The following RBFOX1 variants were observed in gnomAD, a reference collection of about 807,000 sequenced individuals.
RBFOX1 encodes the protein RNA binding fox-1 homolog 1.
A neutral mutation model predicts 57.7 loss-of-function variants in RBFOX1; 8 were observed. The observed-to-expected ratio is 0.14, with a 90% CI of 0.08 to 0.25. The LOEUF (loss-of-function observed/expected upper bound fraction) is 0.25, where lower values mean the gene tolerates loss of function less well. RBFOX1 is among the 10% of genes least tolerant of loss of function. RBFOX1 has a pLI of 1.00. For missense variants in RBFOX1, 611 were observed against 548.5 expected (o/e 1.11, Z -1.14); for synonymous variants, 326 against 222.4 (o/e 1.47, Z -4.15).
chr16:7,446,617 A>T (rs1235748907), intron 4 of RBFOX1, among the ~76,000 whole-genome samples: 2 of 152,038 alleles, frequency 1.3e-5, no homozygotes, highest in Non-Finnish European at 2.9e-5. Flanking sequence ...AGATCAGATC[A>T]AGCTTCCTGA....
At chr16:6,191,817 C>G (rs895739515) in intron 1 of RBFOX1, among the ~76,000 whole-genome samples, 7 of 152,116 alleles carry the variant, frequency 4.6e-5, no homozygotes, top group South Asian at 2.1e-4. Context: ...ATGCAGGTAT[C>G]GAGACTTGAT....
chr16:6,281,517 G>C (rs924567687), intron 1 of RBFOX1, among the ~76,000 whole-genome samples: 1 of 152,072 alleles, frequency 6.6e-6, no homozygotes, highest in African/African-American at 2.4e-5. Context: ...GCCCCAAAGT[G>C]CTTTGTTCTG....
chr16:6,820,169 C>T (rs1009197998), intron 3 of RBFOX1, among the ~76,000 whole-genome samples: 1 of 152,130 alleles, frequency 6.6e-6, no homozygotes, highest in Non-Finnish European at 1.5e-5. Context: ...TAAGACATAC[C>T]TTTGCTTCTC....
intron 4 of RBFOX1, among the ~76,000 whole-genome samples, chr16:7,358,357 A>T (rs914441490): frequency 3.0e-4 from 45 of 152,206 alleles, no homozygotes; most frequent in Non-Finnish European, 3.1e-4. Flanking sequence ...ATAAATCTCT[A>T]AGCAGCTCCT....
At chr16:7,433,331 A>T (rs2149654738) in intron 4 of RBFOX1, among the ~76,000 whole-genome samples, 1 of 152,370 alleles carries the variant, frequency 6.6e-6, no homozygotes, top group South Asian at 2.1e-4. Context: ...CAATAAAGGC[A>T]GTAGTCTCTC....
At chr16:6,089,704 G>C (rs1234235984) in intron 1 of RBFOX1, among the ~76,000 whole-genome samples, 1 of 152,224 alleles carries the variant, frequency 6.6e-6, no homozygotes, top group African/African-American at 2.4e-5. Context: ...CCTTGGGGAT[G>C]TAGAAGCACA....
intron 5 of RBFOX1, among the ~76,000 whole-genome samples, chr16:7,559,250 A>G (rs1235803806): frequency 1.3e-5 from 2 of 152,220 alleles, no homozygotes; most frequent in South Asian, 2.1e-4. Context: ...TCAGAATGTT[A>G]TATCTGCCAT....
chr16:6,316,051 G>T (rs1054387734), intron 1 of RBFOX1, among the ~76,000 whole-genome samples: 2 of 152,124 alleles, frequency 1.3e-5, no homozygotes, highest in South Asian at 2.1e-4. Context: ...GAGTCTTGGC[G>T]TAAATTGTAC....
At chr16:7,415,163 C>T (rs1383723213) in intron 4 of RBFOX1, among the ~76,000 whole-genome samples, 1 of 152,200 alleles carries the variant, frequency 6.6e-6, no homozygotes, top group African/African-American at 2.4e-5. Context: ...TATTATATTG[C>T]CATGCCCCAT....
intron 4 of RBFOX1, among the ~76,000 whole-genome samples, chr16:7,413,892 G>C (rs1405765289): frequency 6.6e-6 from 1 of 152,054 alleles, no homozygotes; most frequent in East Asian, 1.9e-4. Flanking sequence ...AGGATTAATT[G>C]GATTTGCATT....
downstream of RBFOX1, chr16:5,601,590 T>C (rs1486426): frequency 0.64 from 97,524 of 151,986 alleles, 33,646 homozygotes; most frequent in East Asian, 0.95. Flanking sequence ...GGAGTTTGGC[T>C]ACCACACTCT....
chr16:5,977,402 C>A (rs910005744), intron 4 of RBFOX1, among the ~76,000 whole-genome samples: 1 of 152,156 alleles, frequency 6.6e-6, no homozygotes, highest in African/African-American at 2.4e-5. Context: ...GCTATGTGTC[C>A]CTACGATCCC....
At chr16:6,889,667 A>C (rs760082793) in intron 3 of RBFOX1, among the ~76,000 whole-genome samples, 1 of 152,160 alleles carries the variant, frequency 6.6e-6, no homozygotes, top group African/African-American at 2.4e-5. Context: ...AGCTTCCACC[A>C]TGTAGTCCAG....
At chr16:5,828,310 G>T (rs1001471587) in intron 3 of RBFOX1, among the ~76,000 whole-genome samples, 1 of 152,162 alleles carries the variant, frequency 6.6e-6, no homozygotes, top group Non-Finnish European at 1.5e-5. Flanking sequence ...ACTGTGATAA[G>T]AGCTGCAAAG....
intron 3 of RBFOX1, among the ~76,000 whole-genome samples, chr16:6,969,305 T>G (rs1381576195): frequency 6.6e-6 from 1 of 152,232 alleles, no homozygotes. Context: ...GAATCCTATT[T>G]AGTGCGGGGT....
chr16:5,908,281 T>TATATATACACATATATATATACACAC (rs2058523686), intron 4 of RBFOX1, among the ~76,000 whole-genome samples: 1 of 142,338 alleles, frequency 7.0e-6, no homozygotes, highest in Admixed American at 7.2e-5. Flanking sequence ...TATACATACA[T>TATATATACACATATATATATACACAC]ATATATACAC....
At chr16:5,830,977 A>T (rs746690156) in intron 3 of RBFOX1, among the ~76,000 whole-genome samples, 38 of 149,972 alleles carry the variant, frequency 2.5e-4, no homozygotes, top group Non-Finnish European at 4.9e-4. Flanking sequence ...TCCCCCCCCA[A>T]CTCTGTTTTT....
intron 4 of RBFOX1, among the ~76,000 whole-genome samples, chr16:7,185,934 C>T (rs1342686686): frequency 3.9e-5 from 6 of 152,168 alleles, no homozygotes; most frequent in Admixed American, 3.9e-4. Flanking sequence ...CACTTCCTGA[C>T]CCTTTCTCCC....
chr16:6,722,689 A>C lies in RBFOX1; in HGVS notation c.-16+68039A>C, dbSNP rs1162853894. ...GGCTAAAATTCTGTGTCTCTCTTGCAGTTGCACAACCCATAATTAAATGAT... is the reference window on the plus strand; with the variant it reads ...GGCTAAAATTCTGTGTCTCTCTTGCCGTTGCACAACCCATAATTAAATGAT... On this transcript the variant is annotated intron_variant, in intron 3 of 15. Coordinates refer to ENST00000550418, the MANE Select transcript of RBFOX1 (RefSeq NM_018723.4). Among the ~76,000 whole-genome samples, 3 of 152,336 alleles carry C rather than the reference A, an allele frequency of 2.0e-5. No individual in the cohort carries two copies. The East Asian group carries it at 5.8e-4, about 29-fold the overall frequency.
Sources: allele counts gnomAD v4.1 joint callset (sites outside exome capture counted in the v4.1 genomes callset), GRCh38; gene constraint gnomAD v4.1.1; transcripts MANE v1.5; gene names NCBI Gene and HGNC (gene_info 2026-07-23, HGNC 2026-07-21).